The following CD8A variants were observed in gnomAD, a reference collection of about 807,000 sequenced individuals.
The protein encoded by CD8A is CD8 subunit alpha.
In CD8A, 25 loss-of-function variants were observed where a neutral mutation model predicts 24.2. The observed-to-expected ratio is 1.03, with a 90% confidence interval of 0.75 to 1.44. The LOEUF (loss-of-function observed/expected upper bound fraction) is 1.44. Among genes scored for constraint, CD8A ranks in the 40% most tolerant of loss-of-function variants. The pLI, the probability that CD8A is intolerant of heterozygous loss-of-function variation, is 0.00. For synonymous variants in CD8A, 165 were observed against 149.9 expected (o/e 1.10, Z -0.74); for missense variants, 360 against 319.7 (o/e 1.13, Z -0.96).
chr2:86,790,220 C>T, intron 2 of CD8A, 108 bp downstream of exon 2: 1 of 821,286 alleles, frequency 1.2e-6, no homozygotes, highest in Non-Finnish European at 2.1e-6. Flanking sequence ...GTATCTAAGT[C>T]GCTTCCAGGT....
At chr2:86,790,740 G>T (rs776318667) in intron 1 of CD8A, 37 bp downstream of exon 1, 5 of 644,254 alleles carry the variant, frequency 7.8e-6, no homozygotes, top group Non-Finnish European at 9.5e-6. Context: ...CCCCCCGCCC[G>T]CCCCATCCCC....
intron 2 of CD8A, among the ~76,000 whole-genome samples, chr2:86,805,200 A>C (rs1673806653): frequency 6.6e-6 from 1 of 152,048 alleles, no homozygotes; most frequent in Non-Finnish European, 1.5e-5. Flanking sequence ...TGCCACTTTC[A>C]TTTATTCATT....
chr2:86,785,149 GGA>G lies in CD8A; in HGVS notation c.*769_*770del. On this transcript the variant is annotated 3_prime_UTR_variant, in exon 6 of 6. Transcript: ENST00000283635. ...GGGCCCCTCTGCAATGCAAGGGCTG[GGA>G]GAGCAATTCCGCCTCCACATAGGGG... 1 of 454,002 alleles carries G rather than the reference GGA, an allele frequency of 2.2e-6. No homozygotes were observed. Among genetic ancestry groups the G allele is most frequent in the Non-Finnish European group, 4.4e-6 (1 of 226,780 alleles). 28.1% of individuals were successfully genotyped at this position (454,002 alleles called of 1,614,324 possible).
chr2:86,802,797 G>A (rs1673718082), intron 2 of CD8A, among the ~76,000 whole-genome samples: 1 of 152,052 alleles, frequency 6.6e-6, no homozygotes, highest in Admixed American at 6.6e-5. Context: ...TTTTAGTAGA[G>A]ATGGGATTTC....
At chr2:86,788,400 A>T (rs550651797) in intron 5 of CD8A, 130 bp downstream of exon 5, 65 of 770,546 alleles carry the variant, frequency 8.4e-5, no homozygotes, top group Middle Eastern at 6.3e-4. Flanking sequence ...GAACTGGCTG[A>T]CTCCCTGCCC....
intron 3 of CD8A, among the ~76,000 whole-genome samples, chr2:86,800,456 AAAG>A (rs1673633816): frequency 3.9e-5 from 6 of 151,930 alleles, no homozygotes; most frequent in Admixed American, 3.9e-4. Context: ...AAAAAAAAAA[AAAG>A]AAAGAAAAAA....
rs998732971 is a variant in CD8A, at chr2:86,789,421, C to G, written c.527G>C (p.Gly176Ala). The change falls in exon 4 of 6, where the codon GGG becomes GCG. Residue 176 changes from glycine (G) to alanine (A), a missense_variant. Coordinates refer to ENST00000283635, the MANE Select transcript of CD8A (RefSeq NM_001768.7). ...GTAGATATCACAGGCGAAGTCCAGC[C>G]CCCTCGTGTGCACTGACGACACCAA... ...PAAGGAVHTR[G>A]LDFACDIYIW... 1.9e-6 allele frequency: 3 copies of G among 1,613,600 alleles called. No individual in the cohort carries two copies. The highest frequency in any genetic ancestry group is 2.5e-6 in the Non-Finnish European group (3 of 1,179,472).
At chr2:86,790,730 C>A in intron 1 of CD8A, 47 bp downstream of exon 1, 18 of 1,515,552 alleles carry the variant, frequency 1.2e-5, no homozygotes, top group Non-Finnish European at 1.5e-5. Flanking sequence ...GCGCCCCCCG[C>A]CCCCCGCCCG....
intron 2 of CD8A, among the ~76,000 whole-genome samples, chr2:86,807,144 C>G (rs905621946): frequency 4.7e-5 from 7 of 149,972 alleles, no homozygotes; most frequent in African/African-American, 1.7e-4. Context: ...CAGGTTCTCT[C>G]AAAAAATAAA....
intron 5 of CD8A, among the ~76,000 whole-genome samples, chr2:86,787,809 C>T (rs137953235): frequency 1.3e-5 from 2 of 152,082 alleles, no homozygotes; most frequent in Non-Finnish European, 2.9e-5. Flanking sequence ...CAGTGCCTGA[C>T]TAGAGCAGGC....
chr2:86,785,123 T>C lies in CD8A; in HGVS notation c.*797A>G. On this transcript the variant is annotated 3_prime_UTR_variant, in exon 6 of 6. Transcript: ENST00000283635. ...TAAAGGGGTAGCCTGTCCTCTTTCATGGGCCCCTCTGCAATGCAAGGGCTG... is the reference window on the plus strand; with the variant it reads ...TAAAGGGGTAGCCTGTCCTCTTTCACGGGCCCCTCTGCAATGCAAGGGCTG... 1 of 454,124 alleles carries C rather than the reference T, an allele frequency of 2.2e-6. No homozygotes were observed. The highest frequency in any genetic ancestry group is 4.4e-6 in the Non-Finnish European group (1 of 226,786). The allele number at this position is 454,124 out of a possible 1,614,324, so 28.1% of individuals were successfully genotyped here. A position where few individuals can be genotyped will look rare whatever the true frequency, so the allele number is the denominator to read the frequency against.
In CD8A at chr2:86,785,363, G is replaced by A. The variant is rs1317138797; in HGVS notation, c.*557C>T. ...TAATTCATTACCTCCTCGAGGCTCT[G>A]GGCACAGTATCCCAGGTATCAAGAA... On this transcript the variant is annotated 3_prime_UTR_variant, in exon 6 of 6. Coordinates refer to ENST00000283635, the MANE Select transcript of CD8A (RefSeq NM_001768.7). The A allele has an allele frequency of 2.2e-5, 10 of 454,048 alleles. No homozygotes were observed. In the Admixed American group the frequency reaches 2.3e-4, roughly 11 times the overall value. 28.1% of individuals were successfully genotyped at this position (454,048 alleles called of 1,614,324 possible). A position where few individuals can be genotyped will look rare whatever the true frequency, so the allele number is the denominator to read the frequency against.
intron 3 of CD8A, among the ~76,000 whole-genome samples, chr2:86,798,043 G>A (rs1282103871): frequency 6.6e-6 from 1 of 152,270 alleles, no homozygotes; most frequent in East Asian, 1.9e-4. Flanking sequence ...GTTATTAGGT[G>A]CATACACATT....
chr2:86,788,658 G>GT (rs1477198490), intron 4 of CD8A, 98 bp from the exon 5 acceptor site: 7 of 1,159,314 alleles, frequency 6.0e-6, no homozygotes, highest in Admixed American at 3.8e-5. Context: ...TGTTGCTGCT[G>GT]TTTTTTGGTT....
chr2:86,793,594 T>A (rs1673383876), upstream of CD8A, among the ~76,000 whole-genome samples: 2 of 152,176 alleles, frequency 1.3e-5, no homozygotes, highest in South Asian at 2.1e-4. Context: ...CAGCACTGTA[T>A]CAGGAGTGTC....
At chr2:86,789,615 C>T (rs755587369) in intron 3 of CD8A, 25 bp downstream of exon 3, 20 of 1,462,782 alleles carry the variant, frequency 1.4e-5, no homozygotes, top group Non-Finnish European at 1.7e-5. Flanking sequence ...GTGCCGCCCC[C>T]GCCCCGGGCC....
At chr2:86,797,723 A>G (rs1430900546) in intron 3 of CD8A, among the ~76,000 whole-genome samples, 2 of 151,262 alleles carry the variant, frequency 1.3e-5, no homozygotes, top group Non-Finnish European at 3.0e-5. Context: ...TTAACATAGA[A>G]CAATATGTCA....
At chr2:86,789,050 G>T (rs940296196) in intron 4 of CD8A, among the ~76,000 whole-genome samples, 4 of 152,216 alleles carry the variant, frequency 2.6e-5, no homozygotes, top group Non-Finnish European at 5.9e-5. Context: ...AGACATGTGC[G>T]CGCGCGCTGC....
At chr2:86,789,521 A>T (rs1673173727) in intron 3 of CD8A, 88 bp from the exon 4 acceptor site, 1 of 1,352,638 alleles carries the variant, frequency 7.4e-7, no homozygotes, top group Non-Finnish European at 1.1e-6. Context: ...TCCGCCTCAG[A>T]TCTCGGTTTC....
Sources: gnomAD v4.1 joint callset for allele counts (sites outside exome capture counted in the v4.1 genomes callset) on GRCh38, gnomAD v4.1.1 for gene constraint, MANE v1.5 for transcripts, NCBI Gene and HGNC (gene_info 2026-07-23, HGNC 2026-07-21) for gene names.